CRISP2: variants seen among roughly 807,000 people sequenced by gnomAD.
CRISP2 encodes cysteine-rich secretory protein 2.
In CRISP2, 29 loss-of-function variants were observed where a neutral mutation model predicts 31.7. That is an observed-to-expected ratio of 0.92 (90% CI 0.68 to 1.25). The LOEUF (loss-of-function observed/expected upper bound fraction) is 1.25. CRISP2 is among the 50% of genes most tolerant of loss of function. CRISP2 has a pLI of 0.00. For synonymous variants in CRISP2, 111 were observed against 101.4 expected (o/e 1.09, Z -0.57); for missense variants, 318 against 286.5 (o/e 1.11, Z -0.79).
chr6:49,684,456 C>G, the CRISP2 span, among the ~76,000 whole-genome samples: 1 of 152,194 alleles, frequency 6.6e-6, no homozygotes, highest in African/African-American at 2.4e-5. Flanking sequence ...TTAGTTGAAT[C>G]CATGGACGTA....
intron 4 of CRISP2, among the ~76,000 whole-genome samples, chr6:49,707,949 C>T (rs1254401313): frequency 6.6e-6 from 1 of 152,172 alleles, no homozygotes; most frequent in African/African-American, 2.4e-5. Context: ...TGGCCCTTCA[C>T]ATACTAACTC....
At chr6:49,683,183 TAAATA>T in the CRISP2 span, among the ~76,000 whole-genome samples, 2 of 150,038 alleles carry the variant, frequency 1.3e-5, no homozygotes, top group African/African-American at 2.4e-5. Context: ...AATAAATAAA[TAAATA>T]AATAAATAAA....
At chr6:49,710,825 A>C (rs1427323400) in intron 3 of CRISP2, among the ~76,000 whole-genome samples, 1 of 152,198 alleles carries the variant, frequency 6.6e-6, no homozygotes, top group Non-Finnish European at 1.5e-5. Context: ...AATTTATTAA[A>C]GTTTTGAAAA....
At chr6:49,684,696 A>C in the CRISP2 span, among the ~76,000 whole-genome samples, 1 of 152,206 alleles carries the variant, frequency 6.6e-6, no homozygotes, top group Non-Finnish European at 1.5e-5. Flanking sequence ...AAATTTTAAC[A>C]TGTAAATTAG....
chr6:49,713,205 C>A (rs1188263870), intron 1 of CRISP2, among the ~76,000 whole-genome samples: 2 of 152,200 alleles, frequency 1.3e-5, no homozygotes, highest in Non-Finnish European at 2.9e-5. Context: ...TTCAATGGGT[C>A]TTATGTACTT....
In CRISP2 at chr6:49,699,996, C is replaced by G. The variant is rs866763503; in HGVS notation, c.184-105G>C. 5 of 929,774 alleles carry G rather than the reference C, an allele frequency of 5.4e-6. 1 individual carries two copies. In the Middle Eastern group the frequency reaches 1.1e-3, roughly 203 times the overall value. The allele number at this position is 929,774 out of a possible 1,614,324, so 57.6% of individuals were successfully genotyped here. A position where few individuals can be genotyped will look rare whatever the true frequency, so the allele number is the denominator to read the frequency against. ...ACTTTAAAATTTCTGTAGATGTATT[C>G]TCTAATACTACTGTTATTAAAATGT... On this transcript the variant is annotated intron_variant, in intron 5 of 9. Transcript: ENST00000339139.
At position 49,701,991 on chromosome 6, in the gene CRISP2, ATATAT is replaced by A. The variant is rs1291204843; in HGVS notation, c.67-1212_67-1208del. ...CATAATATATAATATATATAATATA[ATATAT>A]TATATTATACATATTAATGTATACA... On this transcript the variant is annotated intron_variant, in intron 4 of 9. Transcript: ENST00000339139. Among the ~76,000 whole-genome samples, 15 of 60,698 alleles carry A rather than the reference ATATAT, an allele frequency of 2.5e-4. No homozygotes were observed. In the East Asian group the frequency reaches 2.8e-3, roughly 11 times the overall value. 39.8% of individuals were successfully genotyped at this position (60,698 alleles called of 152,430 possible).
the CRISP2 span, among the ~76,000 whole-genome samples, chr6:49,683,841 C>T: frequency 2.0e-5 from 3 of 149,854 alleles, no homozygotes; most frequent in East Asian, 5.9e-4. Flanking sequence ...TTCATGAATA[C>T]AGAACAAGTA....
At chr6:49,680,838 T>C in the CRISP2 span, among the ~76,000 whole-genome samples, 1 of 152,186 alleles carries the variant, frequency 6.6e-6, no homozygotes, top group Admixed American at 6.5e-5. Flanking sequence ...TCCCACTTTT[T>C]AATGAGGTTT....
intron 9 of CRISP2, among the ~76,000 whole-genome samples, chr6:49,694,385 C>G (rs145548759): frequency 9.9e-5 from 15 of 152,104 alleles, no homozygotes; most frequent in African/African-American, 3.6e-4. Context: ...TGAGTCTGTC[C>G]CACTGGGGCA....
At chr6:49,690,953 G>A (rs1007951089), downstream of CRISP2, among the ~76,000 whole-genome samples, 1 of 151,220 alleles carries the variant, frequency 6.6e-6, no homozygotes, top group Non-Finnish European at 1.5e-5. Context: ...CTGGTATAGA[G>A]GGTTTTTTTT....
rs1561876577 is a variant in CRISP2 at position 49,701,700 on chromosome 6, T to TATA, written c.67-917_67-916insTAT. Among the ~76,000 whole-genome samples, 4 of 98,576 alleles carry TATA rather than the reference T, an allele frequency of 4.1e-5. 1 individual carries two copies. Among genetic ancestry groups the TATA allele is most frequent in the African/African-American group, 1.4e-4 (3 of 21,648 alleles). 64.7% of individuals were successfully genotyped at this position (98,576 alleles called of 152,430 possible). ...TATGTATACATTATATATGTATACA[T>TATA]TATGTATACATATATAATGTATATA... is the stretch of plus-strand genomic sequence containing the variant. On this transcript the variant is annotated intron_variant, in intron 4 of 9. Coordinates refer to ENST00000339139, the MANE Select transcript of CRISP2 (RefSeq NM_003296.4).
intron 7 of CRISP2, 54 bp from the exon 8 acceptor site, chr6:49,698,011 A>C (rs1406028975): frequency 7.3e-7 from 1 of 1,361,486 alleles, no homozygotes; most frequent in African/African-American, 1.5e-5. Context: ...AAGATGAAAA[A>C]TATTTAAAAA....
At chr6:49,703,695 G>A (rs1044002623) in intron 4 of CRISP2, among the ~76,000 whole-genome samples, 1 of 152,056 alleles carries the variant, frequency 6.6e-6, no homozygotes, top group Non-Finnish European at 1.5e-5. Flanking sequence ...ATCTGTTCTG[G>A]CTTACAGGAT....
the CRISP2 span, among the ~76,000 whole-genome samples, chr6:49,677,841 A>G: frequency 6.6e-6 from 1 of 152,270 alleles, no homozygotes; most frequent in Admixed American, 6.5e-5. Context: ...TTATAAGGAA[A>G]TAGGTAATGA....
At chr6:49,709,375 G>A (rs1195764067) in intron 3 of CRISP2, among the ~76,000 whole-genome samples, 170 bp from the exon 4 acceptor site, 2 of 152,178 alleles carry the variant, frequency 1.3e-5, no homozygotes, top group Non-Finnish European at 2.9e-5. Flanking sequence ...GAATCATAAT[G>A]AGGCCAACCT....
intron 9 of CRISP2, among the ~76,000 whole-genome samples, chr6:49,694,885 C>T (rs1764497254): frequency 6.6e-6 from 1 of 152,014 alleles, no homozygotes; most frequent in African/African-American, 2.4e-5. Flanking sequence ...AGGCATCCAC[C>T]ACCACACCTG....
chr6:49,693,806 C>T (rs1764293996), intron 9 of CRISP2, among the ~76,000 whole-genome samples: 2 of 152,054 alleles, frequency 1.3e-5, no homozygotes, highest in East Asian at 1.9e-4. Flanking sequence ...ATCTCTTCTT[C>T]AAATTTCTCT....
At chr6:49,709,485 A>G (rs1582144536) in intron 3 of CRISP2, among the ~76,000 whole-genome samples, 1 of 152,166 alleles carries the variant, frequency 6.6e-6, no homozygotes, top group Admixed American at 6.5e-5. Flanking sequence ...CTTTCTGCCT[A>G]CTTCTGCTAC....
Sources: gnomAD v4.1 joint callset for allele counts (sites outside exome capture counted in the v4.1 genomes callset) on GRCh38, gnomAD v4.1.1 for gene constraint, MANE v1.5 for transcripts, NCBI Gene and HGNC (gene_info 2026-07-23, HGNC 2026-07-21) for gene names.